CEMIP2: variants seen among roughly 807,000 people sequenced by gnomAD.
The protein encoded by CEMIP2 is cell migration inducing hyaluronidase 2, also known as cell surface hyaluronidase CEMIP2.
A neutral mutation model predicts 146.9 loss-of-function variants in CEMIP2; 79 were observed. The observed-to-expected ratio is 0.54, with a 90% CI of 0.45 to 0.65. The LOEUF (loss-of-function observed/expected upper bound fraction) is 0.65, where lower values mean the gene tolerates loss of function less well. Ranked by LOEUF, CEMIP2 falls within the 30% of genes least tolerant of loss-of-function variation. The pLI, the probability that CEMIP2 is intolerant of heterozygous loss-of-function variation, is 0.00. For synonymous variants in CEMIP2, 601 were observed against 606.3 expected (o/e 0.99, Z 0.13); for missense variants, 1,596 against 1,696.2 (o/e 0.94, Z 1.04).
intron 4 of CEMIP2, among the ~76,000 whole-genome samples, chr9:71,741,690 G>C (rs377347239): frequency 7.1e-5 from 9 of 126,002 alleles, no homozygotes; most frequent in African/African-American, 2.7e-4. Context: ...CTAGGCTAGA[G>C]TGCAATGGCG....
intron 20 of CEMIP2, among the ~76,000 whole-genome samples, chr9:71,697,087 G>T (rs1408729530): frequency 6.6e-6 from 1 of 152,180 alleles, no homozygotes; most frequent in East Asian, 1.9e-4. Flanking sequence ...CAGCTGCAGG[G>T]CTGGTTAAAA....
intron 22 of CEMIP2, among the ~76,000 whole-genome samples, chr9:71,688,656 A>G (rs7021224): frequency 0.059 from 8,974 of 152,002 alleles, 518 homozygotes; most frequent in African/African-American, 0.15. Flanking sequence ...CCAAAGTGCT[A>G]GGATTACAGG....
chr9:71,694,645 T>TA (rs1236004367), intron 20 of CEMIP2, 38 bp from the exon 21 acceptor site: 40 of 1,373,724 alleles, frequency 2.9e-5, no homozygotes, highest in Non-Finnish European at 3.6e-5. Flanking sequence ...TGGCAACTCT[T>TA]ACCTTCCTCC....
At chr9:71,705,712 T>C (rs767213678) in intron 17 of CEMIP2, among the ~76,000 whole-genome samples, 12 of 150,044 alleles carry the variant, frequency 8.0e-5, no homozygotes, top group Non-Finnish European at 1.5e-4. Flanking sequence ...ATATACTCAA[T>C]ATATAATATA....
chr9:71,767,858 G>A (rs1824843821), intron 1 of CEMIP2, among the ~76,000 whole-genome samples: 2 of 152,276 alleles, frequency 1.3e-5, no homozygotes, highest in East Asian at 1.9e-4. Flanking sequence ...GGAATTGTAA[G>A]GAGACAAAGA....
At chr9:71,728,243 A>ATATATACACG (rs1564012167) in intron 10 of CEMIP2, among the ~76,000 whole-genome samples, 1 of 49,214 alleles carries the variant, frequency 2.0e-5, no homozygotes, top group Non-Finnish European at 4.4e-5. Context: ...ATATATATAT[A>ATATATACACG]TATATATGTA....
At position 71,730,013 on chromosome 9, in the gene CEMIP2, T is replaced by C. The variant is rs761106619; in HGVS notation, c.1979+35A>G. On this transcript the variant is annotated intron_variant, in intron 9 of 23. Transcript: ENST00000377044. ...CCTCTTCCCCAAAAGTCAAAGGCCC[T>C]GACTCATGGGTTTTTCTCTCCGCCA... The C allele has an allele frequency of 3.1e-6, 5 of 1,613,766 alleles. No individual in the cohort carries two copies. The African/African-American group carries it at 5.3e-5, about 17-fold the overall frequency.
chr9:71,706,890 A>G (rs1822758033), intron 17 of CEMIP2, among the ~76,000 whole-genome samples: 1 of 152,108 alleles, frequency 6.6e-6, no homozygotes, highest in Non-Finnish European at 1.5e-5. Flanking sequence ...GTGCAATGGC[A>G]TGATCTCAGC....
At chr9:71,687,115 T>C (rs1246218466) in intron 22 of CEMIP2, 1 of 152,214 alleles carries the variant, frequency 6.6e-6, no homozygotes, top group African/African-American at 2.4e-5. Context: ...ATTTTAATAT[T>C]TGATAAAAAC....
chr9:71,708,500 AG>A (rs1224917232), intron 17 of CEMIP2, among the ~76,000 whole-genome samples: 1 of 152,348 alleles, frequency 6.6e-6, no homozygotes, highest in East Asian at 1.9e-4. Context: ...GTACCGACAT[AG>A]AGAAGTTAAT....
chr9:71,716,159 T>C (rs1823050900), intron 14 of CEMIP2, among the ~76,000 whole-genome samples: 2 of 152,046 alleles, frequency 1.3e-5, no homozygotes, highest in African/African-American at 4.8e-5. Flanking sequence ...ACTTGCTAAA[T>C]TAGAGCAGCT....
chr9:71,721,237 A>G (rs1028152756), intron 12 of CEMIP2, among the ~76,000 whole-genome samples: 1 of 152,166 alleles, frequency 6.6e-6, no homozygotes, highest in Non-Finnish European at 1.5e-5. Context: ...AAACTCTTCA[A>G]AGCTAAAAAA....
intron 10 of CEMIP2, among the ~76,000 whole-genome samples, chr9:71,728,904 T>A (rs1318541000): frequency 6.6e-6 from 1 of 151,886 alleles, no homozygotes. Context: ...CAATCTTGGC[T>A]CACAGCAGCC....
intron 6 of CEMIP2, among the ~76,000 whole-genome samples, chr9:71,733,792 T>TAA (rs1330728685): frequency 1.3e-5 from 2 of 151,914 alleles, no homozygotes; most frequent in East Asian, 3.9e-4. Context: ...GAGTGCCCGG[T>TAA]AAGTGTCAGG....
intron 20 of CEMIP2, 155 bp downstream of exon 20, chr9:71,697,830 C>T (rs1425729927): frequency 1.0e-5 from 7 of 681,074 alleles, no homozygotes; most frequent in African/African-American, 3.6e-5. Flanking sequence ...TTGCTTCTTA[C>T]GCGCTTCACA....
Position 71,740,761 on chromosome 9 carries a change from T to G in CEMIP2, c.1035-529A>C, listed in dbSNP as rs552481029. On this transcript the variant is annotated intron_variant, in intron 4 of 23. Transcript: ENST00000377044. ...TTTGCAATAATTTATTTTTATTTTT[T>G]GGAGACAGGGTCTTACTATGTTTTT... 2.0e-5 allele frequency among the ~76,000 whole-genome samples: 3 copies of G among 152,322 alleles called. No individual in the cohort carries two copies. The East Asian group carries it at 5.8e-4, about 29-fold the overall frequency.
At chr9:71,716,685 T>C (rs1054949789) in intron 13 of CEMIP2, 133 bp from the exon 14 acceptor site, 5 of 616,758 alleles carry the variant, frequency 8.1e-6, no homozygotes, top group Non-Finnish European at 1.3e-5. Flanking sequence ...ACACAAAAAT[T>C]TGATTTCACA....
At position 71,685,236 on chromosome 9, in the gene CEMIP2, T is replaced by C. The variant is rs761588079; in HGVS notation, c.4113A>G (p.Arg1371=). The C allele has an allele frequency of 1.2e-6, 2 of 1,612,748 alleles. No homozygotes were observed. Among genetic ancestry groups the C allele is most frequent in the Non-Finnish European group, 1.7e-6 (2 of 1,179,598 alleles). Residue 1371 remains arginine, a synonymous_variant, in exon 24 of 24, where the codon AGA becomes AGG. Transcript: ENST00000377044. ...GCPRATTVRR[R]DLELLKQASK... ...AAGCTTGCTTTAGCAGTTCCAGGTCTCTTCTGCGGACAGTGGTGGCTCTGG... is the reference window on the plus strand; with the variant it reads ...AAGCTTGCTTTAGCAGTTCCAGGTCCCTTCTGCGGACAGTGGTGGCTCTGG...
At chr9:71,690,329 G>A in intron 21 of CEMIP2, 83 bp from the exon 22 acceptor site, 1 of 1,492,704 alleles carries the variant, frequency 6.7e-7, no homozygotes, top group Admixed American at 2.0e-5. Context: ...CCCTTTCCCT[G>A]TGTCTTCTAA....
Sources: allele counts gnomAD v4.1 joint callset (sites outside exome capture counted in the v4.1 genomes callset), GRCh38; gene constraint gnomAD v4.1.1; transcripts MANE v1.5; gene names NCBI Gene and HGNC (gene_info 2026-07-23, HGNC 2026-07-21).